Variants in LATS2 observed in about 807,000 individuals in gnomAD.
LATS2 encodes large tumor suppressor kinase 2, also known as serine/threonine-protein kinase LATS2.
Under a neutral mutation model 76.0 loss-of-function variants are expected in LATS2, and 24 were observed. That is an observed-to-expected ratio of 0.32 (90% CI 0.23 to 0.44). The LOEUF (loss-of-function observed/expected upper bound fraction) is 0.44, where lower values mean the gene tolerates loss of function less well. Ranked by LOEUF, LATS2 falls within the 20% of genes least tolerant of loss-of-function variation. The pLI, the probability that LATS2 is intolerant of heterozygous loss-of-function variation, is 1.00. For synonymous variants in LATS2, 692 were observed against 635.4 expected (o/e 1.09, Z -1.34); for missense variants, 1,286 against 1,481.2 (o/e 0.87, Z 2.16).
At chr13:20,999,925 G>A (rs1385632525) in intron 2 of LATS2, among the ~76,000 whole-genome samples, 4 of 151,142 alleles carry the variant, frequency 2.6e-5, no homozygotes, top group Non-Finnish European at 5.9e-5. Context: ...AGCTACTAGG[G>A]AGGCTGAGGC....
chr13:21,015,963 T>G (rs1228528753), intron 2 of LATS2, among the ~76,000 whole-genome samples: 2 of 150,970 alleles, frequency 1.3e-5, no homozygotes, highest in South Asian at 4.2e-4. Context: ...CCTCCCAAAG[T>G]GTTGGGATTA....
At chr13:21,040,612 G>A (rs527570698) in intron 2 of LATS2, among the ~76,000 whole-genome samples, 3 of 152,270 alleles carry the variant, frequency 2.0e-5, no homozygotes, top group Non-Finnish European at 4.4e-5. Context: ...GGGAGGCCAT[G>A]CTGTGTGGCT....
chr13:20,980,700 G>T (rs1265039438), intron 6 of LATS2, among the ~76,000 whole-genome samples: 1 of 152,190 alleles, frequency 6.6e-6, no homozygotes, highest in East Asian at 1.9e-4. Context: ...GGTCGTTATT[G>T]CTATGTCTGT....
At chr13:21,015,730 C>T (rs996465781) in intron 2 of LATS2, among the ~76,000 whole-genome samples, 3 of 152,166 alleles carry the variant, frequency 2.0e-5, no homozygotes, top group African/African-American at 4.8e-5. Flanking sequence ...GACGGAGTCT[C>T]ACTCTGTCAC....
At chr13:21,040,528 T>C (rs893327511) in intron 2 of LATS2, among the ~76,000 whole-genome samples, 3 of 152,094 alleles carry the variant, frequency 2.0e-5, no homozygotes, top group Non-Finnish European at 4.4e-5. Flanking sequence ...AGAATCCAGA[T>C]AGGTGGTGAT....
intron 2 of LATS2, among the ~76,000 whole-genome samples, chr13:20,998,149 C>G (rs1014656969): frequency 2.0e-5 from 3 of 151,960 alleles, no homozygotes; most frequent in African/African-American, 7.3e-5. Flanking sequence ...TCGCTTGAGG[C>G]CAGGAGTTCA....
intron 2 of LATS2, among the ~76,000 whole-genome samples, chr13:21,033,284 G>A (rs983734883): frequency 1.3e-5 from 2 of 152,094 alleles, no homozygotes; most frequent in Admixed American, 6.6e-5. Flanking sequence ...AGGGGGTAGA[G>A]GGGCGAGAGA....
chr13:20,982,013 A>G (rs1869912684), intron 5 of LATS2, among the ~76,000 whole-genome samples: 1 of 152,236 alleles, frequency 6.6e-6, no homozygotes, highest in East Asian at 1.9e-4. Context: ...TGCCTGACAC[A>G]TGTTTTAAGA....
At chr13:21,031,863 A>C (rs1872539674) in intron 2 of LATS2, among the ~76,000 whole-genome samples, 1 of 151,990 alleles carries the variant, frequency 6.6e-6, no homozygotes, top group Non-Finnish European at 1.5e-5. Flanking sequence ...CTAAAAAAAA[A>C]TTTTCTGTCT....
chr13:20,987,584 C>T (rs145052665), intron 4 of LATS2, among the ~76,000 whole-genome samples: 11 of 152,060 alleles, frequency 7.2e-5, no homozygotes, highest in Admixed American at 3.9e-4. Flanking sequence ...GAGGACATAC[C>T]CTAAAACTTA....
intron 4 of LATS2, 34 bp from the exon 5 acceptor site, chr13:20,983,840 C>T: frequency 6.5e-7 from 1 of 1,530,854 alleles, no homozygotes; most frequent in South Asian, 1.2e-5. Flanking sequence ...GGAAGAATCA[C>T]ATTAGAGAAG....
chr13:21,060,268 TGAAG>T (rs1873587172), intron 1 of LATS2, among the ~76,000 whole-genome samples: 1 of 152,208 alleles, frequency 6.6e-6, no homozygotes, highest in African/African-American at 2.4e-5. Context: ...GGAGTTGGGC[TGAAG>T]GATGTGATGG....
intron 1 of LATS2, among the ~76,000 whole-genome samples, chr13:21,055,309 A>T (rs1595260728): frequency 5.6e-5 from 1 of 17,724 alleles, no homozygotes; most frequent in African/African-American, 8.8e-5. Context: ...TGTGGACTTT[A>T]AAAAAAATGG....
At chr13:21,019,213 C>T (rs1430063996) in intron 2 of LATS2, among the ~76,000 whole-genome samples, 1 of 151,980 alleles carries the variant, frequency 6.6e-6, no homozygotes, top group Admixed American at 6.6e-5. Context: ...TAAATGTTAG[C>T]TATTATATAG....
rs552137582 is a variant in LATS2 at position 20,991,076 on chromosome 13, C to T, written c.475+196G>A. Among the ~76,000 whole-genome samples the T allele has an allele frequency of 5.9e-5, 9 of 152,394 alleles. No individual in the cohort carries two copies. The highest frequency in any genetic ancestry group is 5.8e-4 in the East Asian group (3 of 5,186). On this transcript the variant is annotated intron_variant, in intron 3 of 7. Transcript: ENST00000382592. The surrounding 1 kb of genome is among the most constrained non-coding windows in gnomAD (Gnocchi z 4.9). ...AGCGCCAGGCGTGTCCCACGGTCTA[C>T]CACTTGGGGCTGCTCCCGCCAGGGC...
chr13:21,023,674 A>C (rs1304747636), intron 2 of LATS2, among the ~76,000 whole-genome samples: 1 of 26,706 alleles, frequency 3.7e-5, no homozygotes, highest in African/African-American at 7.1e-5. Flanking sequence ...AAAAAAAAAA[A>C]AAAAAAAAAC....
rs528122972 is a variant in LATS2, at chr13:20,985,835, C to T, written c.1900-2029G>A. The stretch of plus-strand genomic sequence containing the variant: ...CTGAGACAGGTGGATCATCTGAGGT[C>T]GGAAGTTTGAGACCAGCCTGAACAA... On this transcript the variant is annotated intron_variant, in intron 4 of 7. Transcript: ENST00000382592. Among the ~76,000 whole-genome samples, 105 of 152,122 alleles carry T rather than the reference C, an allele frequency of 6.9e-4. No individual in the cohort carries two copies. In the Middle Eastern group the frequency reaches 0.01, roughly 15 times the overall value.
rs56383441 is a variant in LATS2, at chr13:21,010,201, A to AAAACAAACAAACAAAC, written c.343-18813_343-18798dup. Among the ~76,000 whole-genome samples the AAAACAAACAAACAAAC allele has an allele frequency of 6.8e-3, 1,032 of 150,712 alleles. 15 individuals are homozygous for AAAACAAACAAACAAAC. The East Asian group carries it at 0.069, about 10-fold the overall frequency. On this transcript the variant is annotated intron_variant, in intron 2 of 7. Transcript: ENST00000382592. ...GGCCATGGAGCTAGACTCTGTCAAAAAAACAAACAAACAAACAAACAAAAA... is the reference window on the plus strand; with the variant it reads ...GGCCATGGAGCTAGACTCTGTCAAAAAAACAAACAAACAAACAAACAAACAAACAAACAAACAAAAA...
At chr13:20,981,808 G>C (rs1006124991) in intron 5 of LATS2, among the ~76,000 whole-genome samples, 160 bp from the exon 6 acceptor site, 1 of 152,160 alleles carries the variant, frequency 6.6e-6, no homozygotes, top group East Asian at 1.9e-4. Flanking sequence ...TGCTCCATAG[G>C]GGCAGCCTGC....
Sources: gnomAD v4.1 joint callset for allele counts (sites outside exome capture counted in the v4.1 genomes callset) on GRCh38, gnomAD v4.1.1 for gene constraint, Gnocchi (gnomAD v3.1) non-coding constraint, MANE v1.5 for transcripts, NCBI Gene and HGNC (gene_info 2026-07-23, HGNC 2026-07-21) for gene names.